Variants in ABCB10 observed in about 807,000 individuals in gnomAD.
ABCB10 encodes ATP-binding cassette sub-family B member 10, mitochondrial.
In ABCB10, 54 loss-of-function variants were observed where a neutral mutation model predicts 65.4. The ratio of observed to expected loss-of-function variants is 0.83; its 90% CI spans 0.66 to 1.04. The LOEUF (loss-of-function observed/expected upper bound fraction) is 1.04. ABCB10 is among the 50% of genes least tolerant of loss of function. The pLI is 0.00. For missense variants in ABCB10, 846 were observed against 976.6 expected, an observed-to-expected ratio of 0.87 and a Z score of 1.78; for synonymous variants, 418 against 406.5, an observed-to-expected ratio of 1.03 and a Z score of -0.34.
intron 6 of ABCB10, among the ~76,000 whole-genome samples, chr1:229,532,078 G>A (rs371658227): frequency 6.7e-5 from 10 of 149,024 alleles, no homozygotes; most frequent in East Asian, 6.1e-4. Context: ...TTAGCCTCCC[G>A]AGTAGCTGGG....
intron 4 of ABCB10, among the ~76,000 whole-genome samples, chr1:229,540,987 T>TG (rs1457941840): frequency 6.6e-6 from 1 of 152,002 alleles, no homozygotes; most frequent in Non-Finnish European, 1.5e-5. Context: ...ATCCTAGTTG[T>TG]GGGGGAAAAA....
At chr1:229,532,891 C>CA (rs1391476470) in intron 6 of ABCB10, among the ~76,000 whole-genome samples, 2 of 151,988 alleles carry the variant, frequency 1.3e-5, no homozygotes, top group Non-Finnish European at 2.9e-5. Flanking sequence ...TGTCTCAAAA[C>CA]AAAAAACAAC....
At chr1:229,546,958 T>C (rs1175273811) in intron 3 of ABCB10, among the ~76,000 whole-genome samples, 1 of 152,100 alleles carries the variant, frequency 6.6e-6, no homozygotes, top group Non-Finnish European at 1.5e-5. Context: ...ACTAAAACAT[T>C]AAAATCACAT....
intron 8 of ABCB10, among the ~76,000 whole-genome samples, chr1:229,529,804 G>A (rs867352845): frequency 5.3e-5 from 8 of 151,760 alleles, no homozygotes; most frequent in East Asian, 3.9e-4. Flanking sequence ...CGCCCAGCAC[G>A]CGCACTGGCA....
At chr1:229,524,557 T>C (rs768070352) in intron 10 of ABCB10, among the ~76,000 whole-genome samples, 1 of 152,214 alleles carries the variant, frequency 6.6e-6, no homozygotes. Flanking sequence ...GTTCTACTCA[T>C]TGGTTCATTT....
chr1:229,540,963 G>A (rs540433556), intron 4 of ABCB10, among the ~76,000 whole-genome samples: 1 of 152,300 alleles, frequency 6.6e-6, no homozygotes, highest in Admixed American at 6.5e-5. Context: ...TGACAAAGCA[G>A]AGTATACAAA....
chr1:229,527,541 G>A (rs768275214), intron 8 of ABCB10, among the ~76,000 whole-genome samples: 6 of 152,298 alleles, frequency 3.9e-5, no homozygotes, highest in East Asian at 1.9e-4. Context: ...CTATCTCACC[G>A]AGTCCATCTG....
chr1:229,524,361 C>A (rs1433893785), intron 10 of ABCB10, among the ~76,000 whole-genome samples: 4 of 152,066 alleles, frequency 2.6e-5, no homozygotes, highest in Admixed American at 1.3e-4. Flanking sequence ...GGGGGTCTCA[C>A]CATGTTGCCC....
At position 229,539,513 on chromosome 1, in the gene ABCB10, C is replaced by A. The variant is rs771905549; in HGVS notation, c.1282G>T (p.Val428Leu). ...GLLMGSAHMT[V>L]GELSSFLMYA... ...ATTAGGAAGGAAGAGAGTTCACCCA[C>A]GGTCATGTGGGCACTGCCCATCAGC... is the stretch of plus-strand genomic sequence containing the variant. The change falls in exon 6 of 13, where the codon GTG becomes TTG. Residue 428 changes from valine to leucine, a missense_variant. Transcript: ENST00000344517. 2 of 1,613,920 alleles carry A rather than the reference C, an allele frequency of 1.2e-6. No homozygotes were observed. Among genetic ancestry groups the A allele is most frequent in the African/African-American group, 2.7e-5 (2 of 74,914 alleles).
intron 11 of ABCB10, among the ~76,000 whole-genome samples, chr1:229,520,757 T>A (rs1447984660): frequency 6.6e-6 from 1 of 152,076 alleles, no homozygotes; most frequent in African/African-American, 2.4e-5. Context: ...ATTGGAGAAA[T>A]CTCAAAAACA....
chr1:229,524,994 C>T (rs1662402565), intron 10 of ABCB10, among the ~76,000 whole-genome samples: 1 of 152,082 alleles, frequency 6.6e-6, no homozygotes, highest in Non-Finnish European at 1.5e-5. Flanking sequence ...GCTGGGATTA[C>T]AGGTGCCCAC....
At chr1:229,527,111 C>T (rs936560382) in intron 9 of ABCB10, 118 bp downstream of exon 9, 18 of 955,768 alleles carry the variant, frequency 1.9e-5, no homozygotes, top group Admixed American at 7.0e-5. Context: ...GAGCTTAATA[C>T]ATCCCAAAGA....
intron 11 of ABCB10, among the ~76,000 whole-genome samples, chr1:229,521,361 C>T (rs774296144): frequency 2.0e-5 from 3 of 151,886 alleles, no homozygotes; most frequent in Non-Finnish European, 4.4e-5. Flanking sequence ...CTTCTACCTC[C>T]AACAACCTTA....
Position 229,558,569 on chromosome 1 carries a change from G to A in ABCB10, c.84C>T (p.Cys28=), listed in dbSNP as rs76878151. The A allele has an allele frequency of 1.4e-6, 2 of 1,445,060 alleles. No individual in the cohort carries two copies. The highest frequency in any genetic ancestry group is 1.8e-6 in the Non-Finnish European group (2 of 1,101,078). The allele number at this position is 1,445,060 out of a possible 1,614,324, so 89.5% of individuals were successfully genotyped here. Residue 28 remains cysteine (C), a synonymous_variant, in exon 1 of 13, where the codon TGC becomes TGT. Transcript: ENST00000344517. Reference sequence around the variant, plus strand: ...GAACGCGGCTGGCCGCGGCCCACACGCAGGCTACCGGCAGGAGCCGACCTG... The same window carrying A: ...GAACGCGGCTGGCCGCGGCCCACACACAGGCTACCGGCAGGAGCCGACCTG... ...AEPGRLLPVA[C]VWAAASRVPG... is the part of the protein sequence containing the mutation.
intron 2 of ABCB10, among the ~76,000 whole-genome samples, chr1:229,548,387 T>A (rs1403257684): frequency 6.6e-6 from 1 of 152,228 alleles, no homozygotes; most frequent in Non-Finnish European, 1.5e-5. Flanking sequence ...TGGAAACCCT[T>A]TCCTGTATTG....
Position 229,516,607 on chromosome 1 carries a change from A to G in ABCB10, c.*1572T>C, listed in dbSNP as rs551453417. The G allele has an allele frequency of 6.6e-6, 1 of 152,298 alleles. No homozygotes were observed. The highest frequency in any genetic ancestry group is 2.4e-5 in the African/African-American group (1 of 41,572). 9.4% of individuals were successfully genotyped at this position (152,298 alleles called of 1,614,324 possible). A position where few individuals can be genotyped will look rare whatever the true frequency, so the allele number is the denominator to read the frequency against. ...TAAAGTTCACTATAAATTTTAATCT[A>G]TGATATAAAATATTACCTAAAGATA... On this transcript the variant is annotated 3_prime_UTR_variant, in exon 13 of 13. Transcript: ENST00000344517.
chr1:229,558,064 C>G (rs930031670), intron 1 of ABCB10, 72 bp downstream of exon 1: 1 of 1,260,930 alleles, frequency 7.9e-7, no homozygotes, highest in African/African-American at 1.6e-5. Context: ...CCGTGTCCCT[C>G]TCGGCGCCCC....
rs540154640 is a variant in ABCB10, at chr1:229,519,768, G to A, written c.1951-893C>T. On this transcript the variant is annotated intron_variant, in intron 11 of 12. Transcript: ENST00000344517. ...CACACCACTGCACTCCAGCCTGGGC[G>A]ACAGAGTGAGACTCTGTCTCAGAAA... 4.6e-5 allele frequency among the ~76,000 whole-genome samples: 7 copies of A among 152,150 alleles called. No individual in the cohort carries two copies. In the East Asian group the frequency reaches 5.8e-4, roughly 13 times the overall value.
At chr1:229,529,609 G>C (rs1326059849) in intron 8 of ABCB10, among the ~76,000 whole-genome samples, 4 of 144,990 alleles carry the variant, frequency 2.8e-5, no homozygotes, top group Non-Finnish European at 6.0e-5. Flanking sequence ...GGCAGAGCTT[G>C]CAGTGAGCTG....
Sources: gnomAD v4.1 joint callset for allele counts (sites outside exome capture counted in the v4.1 genomes callset) on GRCh38, gnomAD v4.1.1 for gene constraint, MANE v1.5 for transcripts, NCBI Gene and HGNC (gene_info 2026-07-23, HGNC 2026-07-21) for gene names.